SLC23A2: variants seen among roughly 807,000 people sequenced by gnomAD.
SLC23A2 encodes Na(+)/L-ascorbic acid transporter 2.
In SLC23A2, 36 loss-of-function variants were observed where a neutral mutation model predicts 73.3. The observed-to-expected ratio is 0.49, with a 90% CI of 0.38 to 0.65. The LOEUF is 0.65. SLC23A2 is among the 30% of genes least tolerant of loss of function. The pLI is 0.00. For synonymous variants in SLC23A2, 343 were observed against 327.3 expected, an observed-to-expected ratio of 1.05 and a Z score of -0.52; for missense variants, 507 against 841.6, an observed-to-expected ratio of 0.60 and a Z score of 4.92.
At chr20:4,966,856 A>G (rs1353447851) in intron 2 of SLC23A2, among the ~76,000 whole-genome samples, 1 of 147,316 alleles carries the variant, frequency 6.8e-6, no homozygotes, top group Non-Finnish European at 1.5e-5. Context: ...ACACACACAC[A>G]GGCATGGCCA....
At chr20:4,951,131 A>T (rs1051641533) in intron 2 of SLC23A2, among the ~76,000 whole-genome samples, 9 of 152,380 alleles carry the variant, frequency 5.9e-5, no homozygotes, top group African/African-American at 1.7e-4. Flanking sequence ...ACATCAGAGA[A>T]GATTTGTTGC....
Position 4,857,214 on chromosome 20 carries a change from A to G in SLC23A2, c.1721-10T>C. The G allele has an allele frequency of 6.5e-7, 1 of 1,529,040 alleles. No individual in the cohort carries two copies. The allele number at this position is 1,529,040 out of a possible 1,614,324, so 94.7% of individuals were successfully genotyped here. A position where few individuals can be genotyped will look rare whatever the true frequency, so the allele number is the denominator to read the frequency against. On this transcript the variant is annotated splice_polypyrimidine_tract_variant and intron_variant, in intron 16 of 16. Transcript: ENST00000338244. This position sits in a 1 kb window ranked among gnomAD's most constrained non-coding sequence, Gnocchi z 4.0. ...CTTTCCTCTGGAGTGCCTGTCACAC[A>G]TCCCAAGATAGAACAAAGGAATGCT...
At chr20:4,962,712 T>A (rs1568644772) in intron 2 of SLC23A2, among the ~76,000 whole-genome samples, 1 of 152,118 alleles carries the variant, frequency 6.6e-6, no homozygotes, top group Non-Finnish European at 1.5e-5. Flanking sequence ...AAGAAGTTGC[T>A]AGATGGCCTG....
rs566475536 is a variant in SLC23A2 at position 4,944,406 on chromosome 20, T to C, written c.-154-11690A>G. Among the ~76,000 whole-genome samples the C allele has an allele frequency of 3.0e-4, 46 of 152,184 alleles. No homozygotes were observed. In the South Asian group the frequency reaches 8.9e-3, roughly 29 times the overall value. Reference sequence around the variant, plus strand: ...GGTGTGCCCCACCACACCCGGCTAATTTTTGTATTTTTAGTAGAGACAGGG... The same window carrying C: ...GGTGTGCCCCACCACACCCGGCTAACTTTTGTATTTTTAGTAGAGACAGGG... On this transcript the variant is annotated intron_variant, in intron 2 of 16. Coordinates refer to ENST00000338244, the MANE Select transcript of SLC23A2 (RefSeq NM_005116.6).
At chr20:4,891,005 C>T (rs904565908) in intron 6 of SLC23A2, among the ~76,000 whole-genome samples, 2 of 152,138 alleles carry the variant, frequency 1.3e-5, no homozygotes, top group African/African-American at 2.4e-5. Context: ...CCTTAAAACA[C>T]CAGAGTCATG....
Position 4,854,029 on chromosome 20 carries a change from T to A in SLC23A2, c.*2943A>T, listed in dbSNP as rs1282687652. 1 of 152,234 alleles carries A rather than the reference T, an allele frequency of 6.6e-6. No individual in the cohort carries two copies. The highest frequency in any genetic ancestry group is 1.5e-5 in the Non-Finnish European group (1 of 68,054). The allele number at this position is 152,234 out of a possible 1,614,324, so 9.4% of individuals were successfully genotyped here. On this transcript the variant is annotated 3_prime_UTR_variant, in exon 17 of 17. Transcript: ENST00000338244. Reference sequence around the variant, plus strand: ...ACGCTGTCTACATTTCATGTTGGGATTGCCCACACAAATGCTTTCTTTCAG... The same window carrying A: ...ACGCTGTCTACATTTCATGTTGGGAATGCCCACACAAATGCTTTCTTTCAG...
Position 4,962,561 on chromosome 20 carries a change from G to A in SLC23A2, c.-155+8232C>T, listed in dbSNP as rs190381188. Among the ~76,000 whole-genome samples the A allele has an allele frequency of 3.2e-3, 484 of 152,326 alleles. 2 individuals are homozygous for A. The highest frequency in any genetic ancestry group is 0.011 in the African/African-American group (468 of 41,570). Reference sequence around the variant, plus strand: ...CTTGGAGAGCTGATATAAACTGGAAGTAAAACTACCTGCAAAAGGTAAAAG... The same window carrying A: ...CTTGGAGAGCTGATATAAACTGGAAATAAAACTACCTGCAAAAGGTAAAAG... On this transcript the variant is annotated intron_variant, in intron 2 of 16. Coordinates refer to ENST00000338244, the MANE Select transcript of SLC23A2 (RefSeq NM_005116.6).
intron 1 of SLC23A2, among the ~76,000 whole-genome samples, chr20:4,987,891 C>A (rs1023672652): frequency 6.6e-6 from 1 of 151,298 alleles, no homozygotes; most frequent in Non-Finnish European, 1.5e-5. Context: ...AATTAGGACA[C>A]TTCTTGAATA....
At position 4,854,690 on chromosome 20, in the gene SLC23A2, TACAACC is replaced by T. The variant is rs1929651042; in HGVS notation, c.*2276_*2281del. 1 of 152,170 alleles carries T rather than the reference TACAACC, an allele frequency of 6.6e-6. No homozygotes were observed. The highest frequency in any genetic ancestry group is 2.4e-5 in the African/African-American group (1 of 41,406). The allele number at this position is 152,170 out of a possible 1,614,324, so 9.4% of individuals were successfully genotyped here. On this transcript the variant is annotated 3_prime_UTR_variant, in exon 17 of 17. Transcript: ENST00000338244. ...TGTTAGCGGGGTTGAATCCTCCTGA[TACAACC>T]CGGCCCAAGGAGGGGCTTCAGAAGG...
chr20:5,002,814 A>G (rs1237093976), upstream of SLC23A2, among the ~76,000 whole-genome samples: 5 of 152,146 alleles, frequency 3.3e-5, no homozygotes, highest in Non-Finnish European at 7.4e-5. Flanking sequence ...TGCAGCATCA[A>G]CCTTCCAGGC....
chr20:4,942,374 C>CAAA (rs1216270773), intron 2 of SLC23A2, among the ~76,000 whole-genome samples: 25 of 47,310 alleles, frequency 5.3e-4, no homozygotes, highest in African/African-American at 1.6e-3. Context: ...GCTACAGTCT[C>CAAA]AAAAAAAAAA....
At chr20:4,942,299 C>A (rs1390572855) in intron 2 of SLC23A2, among the ~76,000 whole-genome samples, 1 of 148,430 alleles carries the variant, frequency 6.7e-6, no homozygotes, top group Non-Finnish European at 1.5e-5. Context: ...TACTTGGTAT[C>A]TAGATTTCTT....
chr20:4,981,902 C>T (rs1279674695), intron 1 of SLC23A2, among the ~76,000 whole-genome samples: 1 of 152,108 alleles, frequency 6.6e-6, no homozygotes, highest in Non-Finnish European at 1.5e-5. Context: ...AGGGCTTCAC[C>T]GTGATAGCCA....
At chr20:4,874,763 A>C (rs1930589566) in intron 9 of SLC23A2, 67 bp from the exon 10 acceptor site, 2 of 1,369,644 alleles carry the variant, frequency 1.5e-6, no homozygotes, top group East Asian at 4.7e-5. Flanking sequence ...TAACACTCGA[A>C]GCTTCTATGG....
At position 4,852,992 on chromosome 20, in the gene SLC23A2, G is replaced by A. The variant is rs762963191; in HGVS notation, c.*3980C>T. ...CCGGGTGGCCGTTCTTGCACTACTC[G>A]GGTTCTGACTGCAGGAGGGGCAGAG... is the stretch of plus-strand genomic sequence containing the variant. On this transcript the variant is annotated 3_prime_UTR_variant, in exon 17 of 17. Transcript: ENST00000338244. This position sits in a 1 kb window ranked among gnomAD's most constrained non-coding sequence, Gnocchi z 4.3. 8 of 152,510 alleles carry A rather than the reference G, an allele frequency of 5.2e-5. No homozygotes were observed. Among genetic ancestry groups the A allele is most frequent in the South Asian group, 2.1e-4 (1 of 4,818 alleles). The allele number at this position is 152,510 out of a possible 1,614,324, so 9.4% of individuals were successfully genotyped here. A position where few individuals can be genotyped will look rare whatever the true frequency, so the allele number is the denominator to read the frequency against.
chr20:4,906,375 C>T (rs534016791), intron 4 of SLC23A2, among the ~76,000 whole-genome samples: 8 of 151,942 alleles, frequency 5.3e-5, no homozygotes, highest in African/African-American at 1.9e-4. Context: ...TCTGTAATCC[C>T]AGCACTTTGG....
chr20:4,954,245 T>C (rs1047055138), intron 2 of SLC23A2, among the ~76,000 whole-genome samples: 5 of 152,182 alleles, frequency 3.3e-5, no homozygotes, highest in African/African-American at 9.7e-5. Flanking sequence ...TTATTTTGTA[T>C]TGATCACAGA....
chr20:5,006,739 C>G (rs981378241), intron 1 of SLC23A2, among the ~76,000 whole-genome samples: 3 of 151,962 alleles, frequency 2.0e-5, no homozygotes, highest in Admixed American at 2.0e-4. Flanking sequence ...CAGGGTTTCA[C>G]CATGTTGGCC....
Position 4,865,830 on chromosome 20 carries a change from T to A in SLC23A2, c.1356+1940A>T, listed in dbSNP as rs75164151. Among the ~76,000 whole-genome samples the A allele has an allele frequency of 9.4e-3, 1,414 of 149,664 alleles. 7 individuals carry two copies. The highest frequency in any genetic ancestry group is 0.013 in the African/African-American group (524 of 40,266). Reference sequence around the variant, plus strand: ...AATATACTTTATTTTATTTATATATTTTTTTTTATTTTTTATTTTGGAGTC... The same window carrying A: ...AATATACTTTATTTTATTTATATATATTTTTTTATTTTTTATTTTGGAGTC... On this transcript the variant is annotated intron_variant, in intron 13 of 16. Transcript: ENST00000338244.
Sources: gnomAD v4.1 joint callset for allele counts (sites outside exome capture counted in the v4.1 genomes callset) on GRCh38, gnomAD v4.1.1 for gene constraint, Gnocchi (gnomAD v3.1) non-coding constraint, MANE v1.5 for transcripts, NCBI Gene and HGNC (gene_info 2026-07-23, HGNC 2026-07-21) for gene names.